The following MINK1 variants were observed in gnomAD, a reference collection of about 807,000 sequenced individuals.
The protein encoded by MINK1 is misshapen-like kinase 1.
A neutral mutation model predicts 178.4 loss-of-function variants in MINK1; 46 were observed. The ratio of observed to expected loss-of-function variants is 0.26; its 90% confidence interval spans 0.20 to 0.33. The LOEUF is 0.33. Ranked by LOEUF, MINK1 falls within the 10% of genes least tolerant of loss-of-function variation. MINK1 has a pLI of 1.00. For synonymous variants in MINK1, 797 were observed against 709.7 expected, an observed-to-expected ratio of 1.12 and a Z score of -1.96; for missense variants, 1,366 against 1,814.9, an observed-to-expected ratio of 0.75 and a Z score of 4.49.
Position 4,892,110 on chromosome 17 carries a change from C to T in MINK1, c.2002-39C>T, listed in dbSNP as rs371664227. On this transcript the variant is annotated intron_variant, in intron 16 of 31. Coordinates refer to ENST00000355280, the MANE Select transcript of MINK1 (RefSeq NM_153827.5). ...GCTTAAACATCTGAGAAGTGCCTGT[C>T]GCAGCGCCAGCTCGCAGCACGTGGA... is the stretch of plus-strand genomic sequence containing the variant. 72 of 1,502,758 alleles carry T rather than the reference C, an allele frequency of 4.8e-5. 1 individual carries two copies. Among genetic ancestry groups the T allele is most frequent in the South Asian group, 2.2e-4 (18 of 83,714 alleles). 93.1% of individuals were successfully genotyped at this position (1,502,758 alleles called of 1,614,324 possible).
chr17:4,889,939 C>G (rs1348362524), intron 13 of MINK1, 176 bp downstream of exon 13: 2 of 602,042 alleles, frequency 3.3e-6, no homozygotes, highest in Non-Finnish European at 5.8e-6. Context: ...CTGACCCCCT[C>G]CCTCTTCCTT....
Position 4,890,690 on chromosome 17 carries a change from T to C in MINK1, c.1521T>C (p.Tyr507=). The C allele has an allele frequency of 1.9e-6, 3 of 1,550,432 alleles. No individual in the cohort carries two copies. Among genetic ancestry groups the C allele is most frequent in the Non-Finnish European group, 1.7e-6 (2 of 1,146,786 alleles). ...LPGDRKPLYH[Y]GRGMNPADKP... ...GGGACAGGAAGCCCCTGTACCATTATGGTCGGGGCATGAATCCCGCTGACA... is the reference window on the plus strand; with the variant it reads ...GGGACAGGAAGCCCCTGTACCATTACGGTCGGGGCATGAATCCCGCTGACA... The change falls in exon 14 of 32, where the codon TAT becomes TAC. Residue 507 remains tyrosine, a synonymous_variant. Coordinates refer to ENST00000355280, the MANE Select transcript of MINK1 (RefSeq NM_153827.5).
chr17:4,887,735 ACCAGCGGCAG>A lies in MINK1; in HGVS notation c.1177_1186del (p.Gln393GlyfsTer3). 6.4e-7 allele frequency: 1 copy of A among 1,550,974 alleles called. No individual in the cohort carries two copies. Among genetic ancestry groups the A allele is most frequent in the Non-Finnish European group, 8.7e-7 (1 of 1,148,104 alleles). Reference sequence around the variant, plus strand: ...GAGGCACACATCAAACACCTGCTGCACCAGCGGCAGCGGCGCATAGAGGAGCAGAAGGAGG... The same window carrying A: ...GAGGCACACATCAAACACCTGCTGCACGGCGCATAGAGGAGCAGAAGGAGG... On this transcript the variant is annotated frameshift_variant, in exon 12 of 32. Transcript: ENST00000355280. LOFTEE classifies it high-confidence loss of function. This position sits in a 1 kb window ranked among gnomAD's most constrained non-coding sequence, Gnocchi z 7.6.
chr17:4,890,840 A>G, intron 14 of MINK1, 105 bp downstream of exon 14: 1 of 1,514,992 alleles, frequency 6.6e-7, no homozygotes, highest in Non-Finnish European at 8.9e-7. Flanking sequence ...AGTAGGGGAA[A>G]GGAGCACACA....
intron 1 of MINK1, chr17:4,871,100 A>T (rs189612131): frequency 3.1e-5 from 11 of 357,192 alleles, no homozygotes; most frequent in Non-Finnish European, 2.4e-5. Flanking sequence ...AGCTTCTTTC[A>T]TAAGCATAAT....
chr17:4,852,608 AC>A (rs1912164169), intron 1 of MINK1, among the ~76,000 whole-genome samples: 1 of 150,098 alleles, frequency 6.7e-6, no homozygotes. Context: ...TCATCCCCAC[AC>A]CAGCAAGAAC....
intron 1 of MINK1, chr17:4,870,998 G>A (rs549594590): frequency 1.2e-3 from 324 of 265,028 alleles, no homozygotes; most frequent in Non-Finnish European, 1.3e-3. Flanking sequence ...CCAGCCCCTG[G>A]CAACCACTAA....
rs1968196115 is a variant in MINK1, at chr17:4,886,344, G to C, written c.774-107G>C. On this transcript the variant is annotated intron_variant, in intron 9 of 31. Transcript: ENST00000355280. The surrounding 1 kb of genome is among the most constrained non-coding windows in gnomAD (Gnocchi z 6.1). ...GCGGTGACTGGTGTTGGGATATGAA[G>C]ACAGGAGGGACGTCAAGGTGGCTTG... The C allele has an allele frequency of 4.0e-6, 6 of 1,496,026 alleles. No homozygotes were observed. Among genetic ancestry groups the C allele is most frequent in the Non-Finnish European group, 3.7e-6 (4 of 1,083,516 alleles). The allele number at this position is 1,496,026 out of a possible 1,614,324, so 92.7% of individuals were successfully genotyped here.
intron 1 of MINK1, among the ~76,000 whole-genome samples, chr17:4,861,021 T>G (rs1938616356): frequency 6.6e-6 from 1 of 152,214 alleles, no homozygotes; most frequent in Non-Finnish European, 1.5e-5. Context: ...CAGCCCTTGT[T>G]CCTCAGCTTC....
Position 4,890,955 on chromosome 17 carries a change from A to G in MINK1, c.1571A>G (p.Glu524Gly). Residue 524 changes from glutamate to glycine, a missense_variant, in exon 15 of 32, where the codon GAA (glutamate) becomes GGA (glycine). Coordinates refer to ENST00000355280, the MANE Select transcript of MINK1 (RefSeq NM_153827.5). ...ADKPAWAREV[E>G]ERTRMNKQQN... ...TGACATCCCTTCACATCACAGGTAG[A>G]AGAGAGAACAAGGATGAACAAGCAG... 3 of 1,555,228 alleles carry G rather than the reference A, an allele frequency of 1.9e-6. No homozygotes were observed. Among genetic ancestry groups the G allele is most frequent in the Non-Finnish European group, 2.6e-6 (3 of 1,149,092 alleles).
At chr17:4,843,923 TGA>T (rs1342634153) in intron 1 of MINK1, among the ~76,000 whole-genome samples, 1 of 152,092 alleles carries the variant, frequency 6.6e-6, no homozygotes, top group African/African-American at 2.4e-5. Context: ...GGGTGGGCAC[TGA>T]GGGGAGGACA....
At chr17:4,892,327 G>C (rs1421776903) in intron 17 of MINK1, 75 bp from the exon 18 acceptor site, 1 of 1,471,482 alleles carries the variant, frequency 6.8e-7, no homozygotes, top group Non-Finnish European at 9.2e-7. Flanking sequence ...ACCCGCCTGG[G>C]GGTGGGAAAG....
In MINK1 at chr17:4,897,488, CAA is replaced by C; in HGVS notation, c.*204_*205del. 1.8e-6 allele frequency: 1 copy of C among 555,500 alleles called. No homozygotes were observed. The highest frequency in any genetic ancestry group is 3.2e-6 in the Non-Finnish European group (1 of 312,778). 34.4% of individuals were successfully genotyped at this position (555,500 alleles called of 1,614,324 possible). On this transcript the variant is annotated 3_prime_UTR_variant, in exon 32 of 32. Transcript: ENST00000355280. ...CCTCTTCCCCAACATGTCCTCTTCC[CAA>C]AACTGTGCCTGTCCCCAGCTTCTGG...
intron 16 of MINK1, 100 bp from the exon 17 acceptor site, chr17:4,892,049 C>A: frequency 2.1e-6 from 2 of 975,424 alleles, no homozygotes; most frequent in Non-Finnish European, 1.6e-6. Flanking sequence ...GTTTTCTCAT[C>A]CATCAAAGTG....
chr17:4,835,176 G>A (rs1437743028), intron 1 of MINK1, among the ~76,000 whole-genome samples: 1 of 152,160 alleles, frequency 6.6e-6, no homozygotes, highest in African/African-American at 2.4e-5. Context: ...TTTAAACTGG[G>A]ATGCCCAAGT....
At chr17:4,888,363 G>A (rs1168108442) in intron 12 of MINK1, among the ~76,000 whole-genome samples, 7 of 152,172 alleles carry the variant, frequency 4.6e-5, no homozygotes. Flanking sequence ...GGCCAGGTGA[G>A]GTGGCTCACG....
At chr17:4,866,997 C>G (rs577309994) in intron 1 of MINK1, among the ~76,000 whole-genome samples, 1 of 148,574 alleles carries the variant, frequency 6.7e-6, no homozygotes, top group Non-Finnish European at 1.5e-5. Flanking sequence ...GGCGTGAACC[C>G]GGGAGGCGGA....
At chr17:4,878,477 G>C in intron 2 of MINK1, 95 bp downstream of exon 2, 2 of 1,144,598 alleles carry the variant, frequency 1.7e-6, no homozygotes, top group Non-Finnish European at 2.5e-6. Flanking sequence ...AGGTCTGAAG[G>C]GGGCTATGGG....
chr17:4,859,179 G>A, intron 1 of MINK1: 4 of 985,438 alleles, frequency 4.1e-6, no homozygotes, highest in Non-Finnish European at 4.8e-6. Context: ...GCTGTTTAGT[G>A]CTTCTTTCCC....
Sources: allele counts gnomAD v4.1 joint callset (sites outside exome capture counted in the v4.1 genomes callset), GRCh38; gene constraint gnomAD v4.1.1; non-coding constraint Gnocchi (gnomAD v3.1); transcripts MANE v1.5; gene names NCBI Gene and HGNC (gene_info 2026-07-23, HGNC 2026-07-21).